Variants in NFIL3 observed in about 807,000 individuals in gnomAD.
NFIL3 encodes nuclear factor interleukin-3-regulated protein.
In NFIL3, 5 loss-of-function variants were observed where a neutral mutation model predicts 10.0. That is an observed-to-expected ratio of 0.50 (90% confidence interval 0.26 to 1.06). The LOEUF (loss-of-function observed/expected upper bound fraction) is 1.06. Ranked by LOEUF, NFIL3 falls within the 50% of genes least tolerant of loss-of-function variation. The pLI is 0.13. For synonymous variants in NFIL3, 202 were observed against 206.5 expected, an observed-to-expected ratio of 0.98 and a Z score of 0.19; for missense variants, 436 against 547.6, an observed-to-expected ratio of 0.80 and a Z score of 2.03.
the NFIL3 span, among the ~76,000 whole-genome samples, chr9:91,482,711 A>G: frequency 2.0e-5 from 3 of 152,162 alleles, no homozygotes; most frequent in East Asian, 5.8e-4. Flanking sequence ...CATGTTGTTC[A>G]GGCTAGTCTT....
intron 1 of NFIL3, among the ~76,000 whole-genome samples, chr9:91,412,361 C>T (rs1415612026): frequency 1.3e-5 from 2 of 152,120 alleles, no homozygotes; most frequent in African/African-American, 2.4e-5. Flanking sequence ...TGCCTTAGCT[C>T]GAGATAATAA....
the NFIL3 span, among the ~76,000 whole-genome samples, chr9:91,471,314 A>T: frequency 1.3e-5 from 2 of 149,898 alleles, no homozygotes; most frequent in African/African-American, 2.4e-5. Context: ...AGTCTGTTTT[A>T]TCAGAGACTA....
upstream of NFIL3, among the ~76,000 whole-genome samples, chr9:91,424,036 A>G (rs935481052): frequency 7.6e-6 from 1 of 130,810 alleles, no homozygotes; most frequent in African/African-American, 2.9e-5. Context: ...CGCCACTACC[A>G]GCTCGCGTCC....
the NFIL3 span, among the ~76,000 whole-genome samples, chr9:91,482,413 A>G: frequency 6.6e-6 from 1 of 150,780 alleles, no homozygotes; most frequent in South Asian, 2.1e-4. Context: ...GTAGTTTAAT[A>G]TAAAGAAGCC....
intron 1 of NFIL3, among the ~76,000 whole-genome samples, chr9:91,420,240 A>G (rs1207512760): frequency 6.6e-6 from 1 of 152,086 alleles, no homozygotes; most frequent in Non-Finnish European, 1.5e-5. Context: ...TAAAAAATAT[A>G]TATATTATTA....
chr9:91,465,532 G>T, the NFIL3 span, among the ~76,000 whole-genome samples: 1 of 151,660 alleles, frequency 6.6e-6, no homozygotes, highest in South Asian at 2.1e-4. Flanking sequence ...TCCCATTAGA[G>T]CTCTTAACAT....
chr9:91,464,100 T>C, the NFIL3 span, among the ~76,000 whole-genome samples: 3 of 152,058 alleles, frequency 2.0e-5, no homozygotes, highest in Non-Finnish European at 4.4e-5. Flanking sequence ...TCACCAAAAA[T>C]TTCTGTCTTT....
the NFIL3 span, among the ~76,000 whole-genome samples, chr9:91,483,305 G>C: frequency 6.6e-6 from 1 of 152,194 alleles, no homozygotes; most frequent in Non-Finnish European, 1.5e-5. Flanking sequence ...TCCAGCACCA[G>C]CAGGATGAAA....
upstream of NFIL3, among the ~76,000 whole-genome samples, chr9:91,424,691 C>G (rs10820852): frequency 1.3e-5 from 2 of 152,078 alleles, no homozygotes; most frequent in Non-Finnish European, 2.9e-5. Context: ...TCGCTGAGGT[C>G]CATCTACCCA....
rs201092809 is a variant in NFIL3 at position 91,421,242 on chromosome 9, G to GTCCCTGGC, written c.-173+2390_-173+2397dup. ...CTGTCTGCCCCGTGCGGGAGCCGGG[G>GTCCCTGGC]TCCCTGGCTCCCTGGCTCCCTGGCT... On this transcript the variant is annotated intron_variant, in intron 1 of 1. Transcript: ENST00000297689. Among the ~76,000 whole-genome samples, 197 of 150,974 alleles carry GTCCCTGGC rather than the reference G, an allele frequency of 1.3e-3. 1 individual carries two copies. The South Asian group carries it at 0.016, about 12-fold the overall frequency.
upstream of NFIL3, among the ~76,000 whole-genome samples, chr9:91,427,358 C>T (rs1378647373): frequency 6.6e-6 from 1 of 152,174 alleles, no homozygotes; most frequent in Non-Finnish European, 1.5e-5. Flanking sequence ...AAGCAGGCTG[C>T]CTACCTGGCA....
At chr9:91,435,347 C>G in the NFIL3 span, among the ~76,000 whole-genome samples, 1 of 152,188 alleles carries the variant, frequency 6.6e-6, no homozygotes, top group African/African-American at 2.4e-5. Context: ...GCAGCAATTG[C>G]TAACTCAACA....
In NFIL3 at chr9:91,410,132, C is replaced by G; in HGVS notation, c.603G>C (p.Glu201Asp). The change falls in exon 2 of 2, where the codon GAG becomes GAC. Residue 201 changes from glutamate (E) to aspartate (D), a missense_variant. Around this residue, in one of 3 missense-constraint regions of NFIL3, gnomAD observed 338 missense variants for 399.9 expected, o/e 0.85. Transcript: ENST00000297689. The surrounding 1 kb of genome is among the most constrained non-coding windows in gnomAD (Gnocchi z 5.7). ...SEVSSVEHTQESSVQGSCRSP... is the reference protein window; with the variant it reads ...SEVSSVEHTQDSSVQGSCRSP... ...TTCTGCAGCTTCCCTGCACAGAGCT[C>G]TCCTGCGTGTGTTCTACTGAGGACA... The G allele has an allele frequency of 6.2e-7, 1 of 1,614,130 alleles. No individual in the cohort carries two copies. Among genetic ancestry groups the G allele is most frequent in the Non-Finnish European group, 8.5e-7 (1 of 1,180,030 alleles).
At chr9:91,449,722 G>A in the NFIL3 span, among the ~76,000 whole-genome samples, 1 of 152,048 alleles carries the variant, frequency 6.6e-6, no homozygotes. Context: ...TGACCTTATA[G>A]AATTAGTTAC....
At chr9:91,432,433 G>C in the NFIL3 span, among the ~76,000 whole-genome samples, 1 of 152,090 alleles carries the variant, frequency 6.6e-6, no homozygotes, top group African/African-American at 2.4e-5. Flanking sequence ...TTCAGGCTCC[G>C]GTTTCTGGGA....
chr9:91,455,579 C>T, the NFIL3 span, among the ~76,000 whole-genome samples: 1 of 151,844 alleles, frequency 6.6e-6, no homozygotes, highest in Non-Finnish European at 1.5e-5. Flanking sequence ...CTTCATCTAC[C>T]CAGGGCTGTT....
At chr9:91,417,077 ACT>A (rs1330575796) in intron 1 of NFIL3, among the ~76,000 whole-genome samples, 1 of 152,170 alleles carries the variant, frequency 6.6e-6, no homozygotes, top group Non-Finnish European at 1.5e-5. Flanking sequence ...ATTAAAATCT[ACT>A]CTGAGAACAT....
chr9:91,472,463 A>G, the NFIL3 span, among the ~76,000 whole-genome samples: 21 of 152,180 alleles, frequency 1.4e-4, no homozygotes, highest in Admixed American at 1.4e-3. Context: ...TTGATCTGCT[A>G]TCACTGCTAC....
At chr9:91,437,726 C>T in the NFIL3 span, among the ~76,000 whole-genome samples, 14,089 of 152,252 alleles carry the variant, frequency 0.093, 697 homozygotes, top group Middle Eastern at 0.17. Context: ...ATATATGACT[C>T]TTTAAAAAAT....
Sources: gnomAD v4.1 joint callset for allele counts (sites outside exome capture counted in the v4.1 genomes callset) on GRCh38, gnomAD v4.1.1 for gene constraint, gnomAD v4.1.1 regional missense constraint, Gnocchi (gnomAD v3.1) non-coding constraint, MANE v1.5 for transcripts, NCBI Gene and HGNC (gene_info 2026-07-23, HGNC 2026-07-21) for gene names.